CLSTN1: variants seen among roughly 807,000 people sequenced by gnomAD.
CLSTN1 encodes calsyntenin-1.
In CLSTN1, 28 loss-of-function variants were observed where a neutral mutation model predicts 108.3. That is an observed-to-expected ratio of 0.26 (90% CI 0.19 to 0.35). The LOEUF (loss-of-function observed/expected upper bound fraction) is 0.35, where lower values mean the gene tolerates loss of function less well. Ranked by LOEUF, CLSTN1 falls within the 10% of genes least tolerant of loss-of-function variation. The pLI is 1.00. For synonymous variants in CLSTN1, 524 were observed against 534.9 expected (o/e 0.98, Z 0.28); for missense variants, 1,157 against 1,302.6 (o/e 0.89, Z 1.72).
At chr1:9,795,927 C>T (rs1338191300) in intron 1 of CLSTN1, among the ~76,000 whole-genome samples, 1 of 146,296 alleles carries the variant, frequency 6.8e-6, no homozygotes, top group Non-Finnish European at 1.5e-5. Flanking sequence ...TGCACTCCAG[C>T]GTGAGCAACA....
rs1302827302 is a variant in CLSTN1 at position 9,734,467 on chromosome 1, C to T, written c.2111-325G>A. Among the ~76,000 whole-genome samples, 1 of 151,254 alleles carries T rather than the reference C, an allele frequency of 6.6e-6. No homozygotes were observed. The stretch of plus-strand genomic sequence containing the variant: ...GCAGGTCCCTGTAATCCCAGCTATT[C>T]GGGAGGCTGAGGCAGGAGAATCGCT... On this transcript the variant is annotated intron_variant, in intron 14 of 18. Coordinates refer to ENST00000377298, the MANE Select transcript of CLSTN1 (RefSeq NM_001009566.3). This position sits in a 1 kb window ranked among gnomAD's most constrained non-coding sequence, Gnocchi z 4.8.
intron 2 of CLSTN1, 107 bp downstream of exon 2, chr1:9,773,165 G>A (rs1652771471): frequency 1.4e-6 from 2 of 1,454,470 alleles, no homozygotes; most frequent in South Asian, 1.2e-5. Context: ...ATAACCCTCA[G>A]CTATGGAGAC....
intron 1 of CLSTN1, among the ~76,000 whole-genome samples, chr1:9,806,147 G>T (rs182627871): frequency 2.6e-5 from 4 of 151,516 alleles, no homozygotes; most frequent in African/African-American, 9.7e-5. Flanking sequence ...AAAATTAGCT[G>T]TCCATGGTGG....
At chr1:9,770,869 C>A (rs1416510489) in intron 2 of CLSTN1, among the ~76,000 whole-genome samples, 1 of 152,070 alleles carries the variant, frequency 6.6e-6, no homozygotes, top group African/African-American at 2.4e-5. Flanking sequence ...TGGCGGGCAC[C>A]TGTAATCCCA....
At chr1:9,819,888 C>T (rs1655127827) in intron 1 of CLSTN1, among the ~76,000 whole-genome samples, 1 of 152,024 alleles carries the variant, frequency 6.6e-6, no homozygotes, top group Non-Finnish European at 1.5e-5. Flanking sequence ...ATTAAGAAAC[C>T]ATCTTCCCAA....
intron 1 of CLSTN1, among the ~76,000 whole-genome samples, chr1:9,809,420 T>C (rs1654637430): frequency 1.3e-5 from 2 of 152,176 alleles, no homozygotes; most frequent in Admixed American, 6.6e-5. Context: ...GAAGATAACA[T>C]GAACGGCCTC....
At chr1:9,810,005 C>T (rs1231203232) in intron 1 of CLSTN1, among the ~76,000 whole-genome samples, 5 of 141,006 alleles carry the variant, frequency 3.5e-5, no homozygotes, top group Admixed American at 7.3e-5. Context: ...TGCCACTGCA[C>T]TCCAGCCTGG....
chr1:9,738,188 T>G (rs1050732962), intron 10 of CLSTN1, among the ~76,000 whole-genome samples: 1 of 152,292 alleles, frequency 6.6e-6, no homozygotes, highest in South Asian at 2.1e-4. Flanking sequence ...TAGGGAAGCA[T>G]AGCCTACGGT....
chr1:9,765,252 C>G (rs942661594), intron 2 of CLSTN1, among the ~76,000 whole-genome samples: 3 of 151,922 alleles, frequency 2.0e-5, no homozygotes, highest in Admixed American at 2.0e-4. Context: ...GGCGTGGTGG[C>G]GGGCGCCTGC....
At chr1:9,735,318 C>A (rs148846327) in intron 13 of CLSTN1, 144 bp from the exon 14 acceptor site, 2 of 1,371,948 alleles carry the variant, frequency 1.5e-6, no homozygotes, top group African/African-American at 1.4e-5. Flanking sequence ...AAACAAGATG[C>A]GTAAATATCA....
Position 9,755,239 on chromosome 1 carries a change from A to G in CLSTN1, c.315T>C (p.Thr105=). The G allele has an allele frequency of 6.2e-7, 1 of 1,614,136 alleles. No individual in the cohort carries two copies. The highest frequency in any genetic ancestry group is 2.2e-5 in the East Asian group (1 of 44,880). The stretch of plus-strand genomic sequence containing the variant: ...CTTTGGAGCGAATGACTCCCTCACC[A>G]GTGGATTTATCCACTACCACTGCAT... ...PFDAVVVDKS[T]GEGVIRSKEK... The change falls in exon 4 of 19, where the codon ACT becomes ACC. Residue 105 remains threonine (T), a synonymous_variant. Transcript: ENST00000377298.
intron 1 of CLSTN1, among the ~76,000 whole-genome samples, chr1:9,774,464 G>A (rs771722574): frequency 2.6e-5 from 4 of 151,858 alleles, no homozygotes; most frequent in Non-Finnish European, 5.9e-5. Context: ...TACTCGGGAG[G>A]CTGAGGCAGA....
chr1:9,798,047 T>C (rs1035508505), intron 1 of CLSTN1, among the ~76,000 whole-genome samples: 6 of 149,464 alleles, frequency 4.0e-5, no homozygotes, highest in Non-Finnish European at 8.9e-5. Context: ...TGAGCCGAGA[T>C]GGTGCCACTG....
At chr1:9,769,768 C>T (rs1040260829) in intron 2 of CLSTN1, among the ~76,000 whole-genome samples, 7 of 152,084 alleles carry the variant, frequency 4.6e-5, no homozygotes, top group African/African-American at 1.2e-4. Flanking sequence ...TTTGGCAGGG[C>T]GCGGTGGCTC....
In CLSTN1 at chr1:9,730,752, C is replaced by A. The variant is rs937670083; in HGVS notation, c.2749-47G>T. 3.3e-6 allele frequency: 5 copies of A among 1,517,022 alleles called. No individual in the cohort carries two copies. The highest frequency in any genetic ancestry group is 3.6e-6 in the Non-Finnish European group (4 of 1,121,816). 94.0% of individuals were successfully genotyped at this position (1,517,022 alleles called of 1,614,324 possible). ...CACATGAGTCCGGCCCTGCCCACAG[C>A]CCCGTCACCTGGCATTCTCCTCTCG... On this transcript the variant is annotated intron_variant, in intron 18 of 18. Transcript: ENST00000377298. The surrounding 1 kb of genome is among the most constrained non-coding windows in gnomAD (Gnocchi z 5.6).
chr1:9,763,496 A>T (rs1652183712), intron 2 of CLSTN1, among the ~76,000 whole-genome samples: 1 of 152,188 alleles, frequency 6.6e-6, no homozygotes, highest in Non-Finnish European at 1.5e-5. Context: ...ACTCCAACAC[A>T]GACAGTCTGC....
intron 2 of CLSTN1, among the ~76,000 whole-genome samples, chr1:9,765,151 G>A (rs1001602264): frequency 1.3e-5 from 2 of 152,260 alleles, no homozygotes; most frequent in South Asian, 2.1e-4. Flanking sequence ...AGCACTTTGG[G>A]AGGCAGGCAG....
intron 1 of CLSTN1, among the ~76,000 whole-genome samples, chr1:9,797,508 G>A (rs1446201884): frequency 6.6e-6 from 1 of 152,030 alleles, no homozygotes; most frequent in African/African-American, 2.4e-5. Flanking sequence ...TGGCGTGGTG[G>A]TGCATGTCTG....
chr1:9,735,828 C>G, intron 12 of CLSTN1, 57 bp downstream of exon 12: 1 of 1,600,696 alleles, frequency 6.2e-7, no homozygotes, highest in Non-Finnish European at 8.5e-7. Context: ...CCACCAGCCT[C>G]CGGGGCTGTA....
Sources: gnomAD v4.1 joint callset for allele counts (sites outside exome capture counted in the v4.1 genomes callset) on GRCh38, gnomAD v4.1.1 for gene constraint, Gnocchi (gnomAD v3.1) non-coding constraint, MANE v1.5 for transcripts, NCBI Gene and HGNC (gene_info 2026-07-23, HGNC 2026-07-21) for gene names.